KIAA0319L: variants seen among roughly 807,000 people sequenced by gnomAD.
KIAA0319L encodes the protein dyslexia-associated protein KIAA0319-like protein.
In KIAA0319L, 55 loss-of-function variants were observed where a neutral mutation model predicts 120.1. The ratio of observed to expected loss-of-function variants is 0.46; its 90% CI spans 0.37 to 0.57. The LOEUF (loss-of-function observed/expected upper bound fraction) is 0.57, where lower values mean the gene tolerates loss of function less well. KIAA0319L is among the 20% of genes least tolerant of loss of function. The pLI is 0.00. For missense variants in KIAA0319L, 1,049 were observed against 1,255.3 expected, an observed-to-expected ratio of 0.84 and a Z score of 2.48; for synonymous variants, 398 against 471.9, an observed-to-expected ratio of 0.84 and a Z score of 2.03.
chr1:35,465,398 T>C (rs1643184897), intron 7 of KIAA0319L, among the ~76,000 whole-genome samples: 2 of 152,222 alleles, frequency 1.3e-5, no homozygotes, highest in Admixed American at 6.5e-5. Flanking sequence ...GATTCTGCAC[T>C]TGCATGGGGC....
chr1:35,521,270 C>T (rs1463836382), intron 2 of KIAA0319L, among the ~76,000 whole-genome samples: 2 of 152,096 alleles, frequency 1.3e-5, no homozygotes, highest in African/African-American at 2.4e-5. Context: ...ACCCAGAAGA[C>T]GGAGGTTGCA....
chr1:35,481,052 C>T (rs548579567), intron 3 of KIAA0319L, among the ~76,000 whole-genome samples: 1 of 152,242 alleles, frequency 6.6e-6, no homozygotes, highest in South Asian at 2.1e-4. Context: ...GAAGCATATA[C>T]ATACTATTTT....
At chr1:35,442,606 A>G (rs954053614) in intron 18 of KIAA0319L, among the ~76,000 whole-genome samples, 1 of 152,196 alleles carries the variant, frequency 6.6e-6, no homozygotes, top group African/African-American at 2.4e-5. Context: ...GAGGGCTTCC[A>G]TTAGGCTACA....
intron 15 of KIAA0319L, among the ~76,000 whole-genome samples, chr1:35,449,066 G>A (rs1641852159): frequency 6.6e-6 from 1 of 152,194 alleles, no homozygotes; most frequent in Non-Finnish European, 1.5e-5. Context: ...ATAATTAGTA[G>A]ACTATCTGTG....
intron 1 of KIAA0319L, among the ~76,000 whole-genome samples, chr1:35,555,666 C>A (rs1307352770): frequency 6.6e-6 from 1 of 152,180 alleles, no homozygotes; most frequent in Non-Finnish European, 1.5e-5. Context: ...GAAAGTACAT[C>A]CAGCAATTTC....
intron 3 of KIAA0319L, among the ~76,000 whole-genome samples, chr1:35,493,520 A>C (rs1558471064): frequency 6.6e-6 from 1 of 151,978 alleles, no homozygotes; most frequent in East Asian, 1.9e-4. Flanking sequence ...AACCTGACAA[A>C]AGACTGCAAG....
intron 6 of KIAA0319L, among the ~76,000 whole-genome samples, chr1:35,468,943 C>A (rs1643445707): frequency 6.6e-6 from 1 of 152,146 alleles, no homozygotes. Context: ...ATACCTACAT[C>A]CTGGGATTGT....
In KIAA0319L at chr1:35,444,272, G is replaced by T; in HGVS notation, c.2545C>A (p.Pro849Thr). 1 of 1,608,020 alleles carries T rather than the reference G, an allele frequency of 6.2e-7. No homozygotes were observed. The highest frequency in any genetic ancestry group is 8.5e-7 in the Non-Finnish European group (1 of 1,177,576). The change falls in exon 17 of 21, where the codon CCT becomes ACT. Residue 849 changes from proline (P) to threonine (T), a missense_variant. Transcript: ENST00000325722. Reference sequence around the variant, plus strand: ...TGGCCTTTGAAGATCTGGTGGGGAGGCTCGTTTTGAACAAAAAATACCATT... The same window carrying T: ...TGGCCTTTGAAGATCTGGTGGGGAGTCTCGTTTTGAACAAAAAATACCATT... ...TKMVFFVQNE[P>T]PHQIFKGHEV...
rs186137666 is a variant in KIAA0319L, at chr1:35,487,797, T to C, written c.667-8585A>G. On this transcript the variant is annotated intron_variant, in intron 3 of 20. Transcript: ENST00000325722. ...GCAAACTTACGAAGTTCACCTTGTG[T>C]AGATTCTGTCTTTCAAAGACAGAAC... 3.1e-3 allele frequency among the ~76,000 whole-genome samples: 465 copies of C among 152,356 alleles called. 1 individual carries two copies. Among genetic ancestry groups the C allele is most frequent in the Non-Finnish European group, 5.4e-3 (365 of 68,032 alleles).
intron 3 of KIAA0319L, among the ~76,000 whole-genome samples, chr1:35,485,803 AT>A (rs776571184): frequency 2.0e-5 from 3 of 151,584 alleles, no homozygotes; most frequent in Non-Finnish European, 4.4e-5. Context: ...TTATTTATTT[AT>A]TTTTTTTCCT....
At chr1:35,455,980 G>C in intron 10 of KIAA0319L, 33 bp downstream of exon 10, 1 of 1,526,536 alleles carries the variant, frequency 6.6e-7, no homozygotes. Flanking sequence ...TACTTCTCTT[G>C]GGCAAGAAAA....
At chr1:35,458,550 A>C (rs191816241) in intron 9 of KIAA0319L, among the ~76,000 whole-genome samples, 5 of 152,318 alleles carry the variant, frequency 3.3e-5, no homozygotes, top group African/African-American at 1.2e-4. Context: ...TCCACTAAAA[A>C]ACCTGTAGGT....
intron 18 of KIAA0319L, 117 bp downstream of exon 18, chr1:35,442,789 C>T (rs1641321741): frequency 7.9e-7 from 1 of 1,270,840 alleles, no homozygotes; most frequent in East Asian, 2.4e-5. Context: ...ACAGAAAATA[C>T]ACAAAGTTCT....
chr1:35,435,105 G>T, intron 20 of KIAA0319L, 24 bp from the exon 21 acceptor site: 1 of 1,607,638 alleles, frequency 6.2e-7, no homozygotes, highest in Non-Finnish European at 8.5e-7. Context: ...AAGGAATCCA[G>T]CATCAGGAGA....
intron 5 of KIAA0319L, among the ~76,000 whole-genome samples, chr1:35,471,173 T>C (rs1643599268): frequency 1.3e-5 from 2 of 152,120 alleles, no homozygotes; most frequent in Admixed American, 1.3e-4. Context: ...TCCAACTCTC[T>C]CCCAACAATG....
chr1:35,436,751 C>T (rs1050810060), intron 20 of KIAA0319L, among the ~76,000 whole-genome samples: 1 of 152,218 alleles, frequency 6.6e-6, no homozygotes, highest in Non-Finnish European at 1.5e-5. Flanking sequence ...CAGCCCTACA[C>T]TTACCAGGTG....
chr1:35,444,030 T>G, intron 17 of KIAA0319L, 131 bp downstream of exon 17: 1 of 759,706 alleles, frequency 1.3e-6, no homozygotes, highest in Non-Finnish European at 2.0e-6. Flanking sequence ...TTCATGGTAA[T>G]AGTAGTGCAA....
At chr1:35,523,063 A>G (rs914898598) in intron 2 of KIAA0319L, among the ~76,000 whole-genome samples, 5 of 150,230 alleles carry the variant, frequency 3.3e-5, no homozygotes, top group Non-Finnish European at 5.9e-5. Context: ...GACCCTACCT[A>G]CCTTTCTAGC....
At chr1:35,438,219 C>G (rs950899426) in intron 20 of KIAA0319L, among the ~76,000 whole-genome samples, 1 of 152,182 alleles carries the variant, frequency 6.6e-6, no homozygotes, top group African/African-American at 2.4e-5. Context: ...ATTCCCTCAA[C>G]TCCATTCATA....
Sources: gnomAD v4.1 joint callset for allele counts (sites outside exome capture counted in the v4.1 genomes callset) on GRCh38, gnomAD v4.1.1 for gene constraint, MANE v1.5 for transcripts, NCBI Gene and HGNC (gene_info 2026-07-23, HGNC 2026-07-21) for gene names.